The following LINGO2 variants were observed in gnomAD, a reference collection of about 807,000 sequenced individuals.
LINGO2 encodes the protein leucine-rich repeat and immunoglobulin-like domain-containing nogo receptor-interacting protein 2.
LINGO2 carries 14 observed loss-of-function variants against 30.6 expected under a neutral mutation model. That is an observed-to-expected ratio of 0.46 (90% CI 0.30 to 0.72). LINGO2 has a LOEUF of 0.72. Among genes scored for constraint, LINGO2 ranks in the 30% least tolerant of loss-of-function variants. LINGO2 has a pLI of 0.07. For missense variants in LINGO2, 729 were observed against 751.7 expected (o/e 0.97, Z 0.35); for synonymous variants, 317 against 288.5 (o/e 1.10, Z -1.00).
chr9:28,263,731 G>T (rs941804676), intron 4 of LINGO2, among the ~76,000 whole-genome samples: 1 of 151,944 alleles, frequency 6.6e-6, no homozygotes, highest in African/African-American at 2.4e-5. Context: ...TCCCTGGTTT[G>T]CAATGAAACC....
At position 28,135,063 on chromosome 9, in the gene LINGO2, C is replaced by G. The variant is rs534297909; in HGVS notation, c.-86-122658G>C. 4.8e-4 allele frequency among the ~76,000 whole-genome samples: 73 copies of G among 152,200 alleles called. 2 individuals carry two copies. In the South Asian group the frequency reaches 0.015, roughly 31 times the overall value. ...CAGTAAAATCTTCTACATTCAACCACGAGTAACAAAACAGTAGAAGAAATA... is the reference window on the plus strand; with the variant it reads ...CAGTAAAATCTTCTACATTCAACCAGGAGTAACAAAACAGTAGAAGAAATA... On this transcript the variant is annotated intron_variant, in intron 4 of 5. Transcript: ENST00000379992.
chr9:28,430,446 C>T (rs1206726224), intron 2 of LINGO2, among the ~76,000 whole-genome samples: 1 of 152,178 alleles, frequency 6.6e-6, no homozygotes, highest in Non-Finnish European at 1.5e-5. Flanking sequence ...CATACTGTTT[C>T]ACTTCTATGA....
At chr9:28,172,416 G>A (rs550165303) in intron 4 of LINGO2, among the ~76,000 whole-genome samples, 1 of 151,938 alleles carries the variant, frequency 6.6e-6, no homozygotes, top group Admixed American at 6.6e-5. Flanking sequence ...AATTCACCAG[G>A]CACTAAACTA....
the LINGO2 span, among the ~76,000 whole-genome samples, chr9:28,948,987 A>G: frequency 6.6e-6 from 1 of 151,970 alleles, no homozygotes; most frequent in Non-Finnish European, 1.5e-5. Context: ...AATTCCTCTT[A>G]TCGGTTCACT....
At chr9:28,068,827 C>T (rs1825389797) in intron 4 of LINGO2, among the ~76,000 whole-genome samples, 1 of 152,092 alleles carries the variant, frequency 6.6e-6, no homozygotes, top group Admixed American at 6.6e-5. Context: ...CAACAAGGTA[C>T]TATGAAGGAT....
chr9:28,837,649 AATATATATATACATATATATAT>A, the LINGO2 span, among the ~76,000 whole-genome samples: 15 of 75,838 alleles, frequency 2.0e-4, 2 homozygotes, highest in African/African-American at 6.7e-4. Flanking sequence ...CTCCGTCTAA[AATATATATATACATATATATAT>A]ATATATATAT....
rs1828248825 is a variant in LINGO2, at chr9:28,160,296, G to A, written c.-87+134912C>T. Among the ~76,000 whole-genome samples, 3 of 152,248 alleles carry A rather than the reference G, an allele frequency of 2.0e-5. No individual in the cohort carries two copies. The South Asian group carries it at 6.2e-4, about 32-fold the overall frequency. ...TTGAGAAAGAGCCTGAGCTTGCACT[G>A]ATATCTGTGAGATGTCTCCCTCATT... is the stretch of plus-strand genomic sequence containing the variant. On this transcript the variant is annotated intron_variant, in intron 4 of 5. Transcript: ENST00000379992.
chr9:27,995,104 G>A (rs557152697), intron 5 of LINGO2, among the ~76,000 whole-genome samples: 53 of 152,176 alleles, frequency 3.5e-4, no homozygotes, highest in African/African-American at 1.2e-3. Flanking sequence ...TTAGAGAATC[G>A]TGTGCAGCAA....
the LINGO2 span, among the ~76,000 whole-genome samples, chr9:28,905,867 G>A: frequency 3.9e-5 from 6 of 152,172 alleles, 1 homozygote; most frequent in South Asian, 1.0e-3. Flanking sequence ...CCCATGTTCA[G>A]TGCAGCACTA....
At chr9:28,091,663 C>G (rs1826092677) in intron 4 of LINGO2, among the ~76,000 whole-genome samples, 1 of 152,088 alleles carries the variant, frequency 6.6e-6, no homozygotes, top group African/African-American at 2.4e-5. Flanking sequence ...GTCTAAAACA[C>G]CAAAAGCAAT....
chr9:28,989,239 T>C, the LINGO2 span, among the ~76,000 whole-genome samples: 1 of 152,204 alleles, frequency 6.6e-6, no homozygotes, highest in African/African-American at 2.4e-5. Context: ...GAAATGAATG[T>C]TGTTTAGATG....
At chr9:28,122,025 C>A (rs891768303) in intron 4 of LINGO2, among the ~76,000 whole-genome samples, 22 of 146,502 alleles carry the variant, frequency 1.5e-4, no homozygotes, top group African/African-American at 5.4e-4. Context: ...GATGAATTGA[C>A]TTACATGGAA....
At chr9:29,106,479 C>T in the LINGO2 span, among the ~76,000 whole-genome samples, 1 of 152,072 alleles carries the variant, frequency 6.6e-6, no homozygotes, top group Non-Finnish European at 1.5e-5. Flanking sequence ...ACACGGAATT[C>T]TCTTATAAAT....
intron 1 of LINGO2, among the ~76,000 whole-genome samples, chr9:28,667,064 A>G (rs1000726011): frequency 6.6e-6 from 1 of 152,184 alleles, no homozygotes; most frequent in South Asian, 2.1e-4. Context: ...ATAATAAAAA[A>G]GATGTGAAGT....
the LINGO2 span, among the ~76,000 whole-genome samples, chr9:28,822,478 G>A: frequency 3.3e-5 from 5 of 152,198 alleles, no homozygotes; most frequent in Admixed American, 3.3e-4. Context: ...ATGTCTGTGA[G>A]GGTGTTGCCA....
the LINGO2 span, among the ~76,000 whole-genome samples, chr9:29,067,161 G>A: frequency 6.6e-6 from 1 of 151,740 alleles, no homozygotes; most frequent in African/African-American, 2.4e-5. Flanking sequence ...AGTATTATAA[G>A]TTATTAATAT....
chr9:28,046,784 G>A (rs1408023977), intron 4 of LINGO2, among the ~76,000 whole-genome samples: 2 of 152,046 alleles, frequency 1.3e-5, no homozygotes, highest in East Asian at 3.9e-4. Flanking sequence ...TGTTATATAA[G>A]CTACTCAAAG....
intron 2 of LINGO2, among the ~76,000 whole-genome samples, chr9:28,421,541 C>T (rs564006611): frequency 6.3e-4 from 95 of 151,082 alleles, no homozygotes; most frequent in Non-Finnish European, 9.0e-4. Flanking sequence ...AATGTAGTAC[C>T]ATCATTCCTT....
the LINGO2 span, among the ~76,000 whole-genome samples, chr9:28,741,788 C>A: frequency 4.0e-5 from 6 of 151,578 alleles, no homozygotes; most frequent in Admixed American, 3.9e-4. Flanking sequence ...GGCCTAGAGT[C>A]TGGGTCTGCG....
Sources: allele counts gnomAD v4.1 joint callset (sites outside exome capture counted in the v4.1 genomes callset), GRCh38; gene constraint gnomAD v4.1.1; transcripts MANE v1.5; gene names NCBI Gene and HGNC (gene_info 2026-07-23, HGNC 2026-07-21).